PRR5L: variants seen among roughly 807,000 people sequenced by gnomAD.
PRR5L encodes proline rich 5 like, also known as proline-rich protein 5-like.
In PRR5L, 21 loss-of-function variants were observed where a neutral mutation model predicts 36.4. That is an observed-to-expected ratio of 0.58 (90% CI 0.41 to 0.83). The LOEUF is 0.83. Ranked by LOEUF, PRR5L falls within the 40% of genes least tolerant of loss-of-function variation. The pLI, the probability that PRR5L is intolerant of heterozygous loss-of-function variation, is 0.00. For synonymous variants in PRR5L, 188 were observed against 197.0 expected, an observed-to-expected ratio of 0.95 and a Z score of 0.38; for missense variants, 381 against 473.3, an observed-to-expected ratio of 0.80 and a Z score of 1.81.
At chr11:36,363,051 C>T (rs1275005116) in intron 1 of PRR5L, among the ~76,000 whole-genome samples, 1 of 152,198 alleles carries the variant, frequency 6.6e-6, no homozygotes, top group African/African-American at 2.4e-5. Flanking sequence ...TGGACCAGGC[C>T]TGAGCCTGGT....
At chr11:36,364,071 G>C (rs974588558) in intron 1 of PRR5L, among the ~76,000 whole-genome samples, 2 of 152,170 alleles carry the variant, frequency 1.3e-5, no homozygotes, top group African/African-American at 2.4e-5. Flanking sequence ...GAATGTCCAG[G>C]TGTGAATTTC....
intron 1 of PRR5L, among the ~76,000 whole-genome samples, chr11:36,350,870 C>T (rs923802971): frequency 1.4e-5 from 2 of 141,046 alleles, no homozygotes; most frequent in African/African-American, 5.3e-5. Context: ...GGCATTATTT[C>T]ATCCCTTTTT....
At chr11:36,388,990 C>T (rs1450120239) in intron 1 of PRR5L, among the ~76,000 whole-genome samples, 9 of 151,128 alleles carry the variant, frequency 6.0e-5, no homozygotes, top group African/African-American at 1.7e-4. Flanking sequence ...TAAGCCACCA[C>T]GATCGGCTCA....
At chr11:36,298,677 A>G (rs1208872990) in intron 1 of PRR5L, among the ~76,000 whole-genome samples, 1 of 152,224 alleles carries the variant, frequency 6.6e-6, no homozygotes, top group Non-Finnish European at 1.5e-5. Flanking sequence ...AACAGACCAC[A>G]GACCAGTACT....
chr11:36,436,373 C>A (rs922686052), intron 5 of PRR5L, among the ~76,000 whole-genome samples: 2 of 152,166 alleles, frequency 1.3e-5, no homozygotes, highest in African/African-American at 4.8e-5. Context: ...TGCCAGGGCC[C>A]GTCTTTCCTG....
rs187101075 is a variant in PRR5L, at chr11:36,342,796, C to T, written c.-126+46358C>T. Reference sequence around the variant, plus strand: ...AGTCTTCTTCTCCCTTTAAATATAGCCGCACTTTAGAAAGAAATGGGAAAA... The same window carrying T: ...AGTCTTCTTCTCCCTTTAAATATAGTCGCACTTTAGAAAGAAATGGGAAAA... On this transcript the variant is annotated intron_variant, in intron 1 of 8. Transcript: ENST00000530639. Among the ~76,000 whole-genome samples the T allele has an allele frequency of 5.3e-5, 8 of 152,208 alleles. No individual in the cohort carries two copies. In the South Asian group the frequency reaches 1.7e-3, roughly 32 times the overall value.
chr11:36,418,499 GAAGA>G (rs1176516426), intron 3 of PRR5L, among the ~76,000 whole-genome samples: 1 of 152,136 alleles, frequency 6.6e-6, no homozygotes, highest in African/African-American at 2.4e-5. Context: ...ATCTGTACAG[GAAGA>G]ATAATAATTA....
At chr11:36,322,396 A>G (rs554385275) in intron 1 of PRR5L, among the ~76,000 whole-genome samples, 17 of 152,340 alleles carry the variant, frequency 1.1e-4, no homozygotes, top group African/African-American at 3.6e-4. Context: ...AATGAATTTT[A>G]TAATATATAC....
chr11:36,394,271 C>G (rs1033731224), intron 1 of PRR5L: 2 of 152,328 alleles, frequency 1.3e-5, no homozygotes, highest in Non-Finnish European at 2.9e-5. Flanking sequence ...TGCCTTTTCT[C>G]TCAGCCTCCA....
rs1458103986 is a variant in PRR5L at position 36,351,655 on chromosome 11, ATAAATATATATTTATATACTTATATATT to A, written c.-125-49339_-125-49312del. On this transcript the variant is annotated intron_variant, in intron 1 of 8. Transcript: ENST00000530639. The stretch of plus-strand genomic sequence containing the variant: ...TATAAATATATATTTATATATTTAT[ATAAATATATATTTATATACTTATATATT>A]TATATATTTATATATTTATATATTT... Among the ~76,000 whole-genome samples the A allele has an allele frequency of 2.8e-3, 10 of 3,530 alleles. 3 individuals are homozygous for A. Among genetic ancestry groups the A allele is most frequent in the South Asian group, 0.011 (1 of 92 alleles). 2.3% of individuals were successfully genotyped at this position (3,530 alleles called of 152,430 possible).
chr11:36,415,496 C>A (rs1858122150), intron 3 of PRR5L, among the ~76,000 whole-genome samples: 1 of 152,244 alleles, frequency 6.6e-6, no homozygotes, highest in Admixed American at 6.5e-5. Flanking sequence ...GTAATCCTAG[C>A]ACTTTGGGAG....
At chr11:36,432,858 C>T (rs1180728151) in intron 5 of PRR5L, among the ~76,000 whole-genome samples, 11 of 152,106 alleles carry the variant, frequency 7.2e-5, no homozygotes, top group Non-Finnish European at 1.6e-4. Flanking sequence ...AGGAAAGGGG[C>T]TCCTAGAAAG....
In PRR5L at chr11:36,299,415, C is replaced by T. The variant is rs79369022; in HGVS notation, c.-126+2977C>T. Among the ~76,000 whole-genome samples, 731 of 152,296 alleles carry T rather than the reference C, an allele frequency of 4.8e-3. 5 individuals are homozygous for T. Among genetic ancestry groups the T allele is most frequent in the African/African-American group, 0.015 (610 of 41,558 alleles). ...TGCTTTCTCCAAAATTCCTCCTCTA[C>T]ACCACCAACTGTTCTTCTCACCCAG... On this transcript the variant is annotated intron_variant, in intron 1 of 8. Coordinates refer to ENST00000530639, the MANE Select transcript of PRR5L (RefSeq NM_001160167.2).
chr11:36,384,279 G>C (rs1164624786), intron 1 of PRR5L, among the ~76,000 whole-genome samples: 4 of 152,148 alleles, frequency 2.6e-5, no homozygotes, highest in Admixed American at 2.6e-4. Flanking sequence ...GCTTTGCTTC[G>C]TAACTCCAGA....
intron 3 of PRR5L, among the ~76,000 whole-genome samples, chr11:36,412,190 C>T (rs1248128830): frequency 2.0e-5 from 3 of 152,140 alleles, no homozygotes; most frequent in African/African-American, 7.2e-5. Flanking sequence ...CTGATCTCAA[C>T]AAGACACTTG....
intron 1 of PRR5L, among the ~76,000 whole-genome samples, chr11:36,368,062 G>A (rs1857162391): frequency 6.6e-6 from 1 of 152,078 alleles, no homozygotes; most frequent in African/African-American, 2.4e-5. Flanking sequence ...CGTCAAGGCT[G>A]ACCGTGAGAG....
intron 1 of PRR5L, among the ~76,000 whole-genome samples, chr11:36,335,640 A>G (rs1856761828): frequency 6.6e-6 from 1 of 152,170 alleles, no homozygotes; most frequent in African/African-American, 2.4e-5. Flanking sequence ...ACTCAAGGAG[A>G]AAAATTATTC....
intron 4 of PRR5L, among the ~76,000 whole-genome samples, chr11:36,429,542 C>T (rs1390317474): frequency 2.6e-5 from 4 of 151,814 alleles, no homozygotes; most frequent in African/African-American, 4.8e-5. Context: ...AGTGATAGAA[C>T]AAAATGATGA....
At chr11:36,375,063 T>A (rs1490546606) in intron 1 of PRR5L, among the ~76,000 whole-genome samples, 2 of 152,010 alleles carry the variant, frequency 1.3e-5, no homozygotes, top group Non-Finnish European at 2.9e-5. Context: ...GGTGAAACCC[T>A]ATCTCTACTA....
Sources: allele counts gnomAD v4.1 joint callset (sites outside exome capture counted in the v4.1 genomes callset), GRCh38; gene constraint gnomAD v4.1.1; transcripts MANE v1.5; gene names NCBI Gene and HGNC (gene_info 2026-07-23, HGNC 2026-07-21).